ABCA3: variants seen among roughly 807,000 people sequenced by gnomAD.
ABCA3 encodes phospholipid-transporting ATPase ABCA3.
A neutral mutation model predicts 172.8 loss-of-function variants in ABCA3; 88 were observed. The observed-to-expected ratio is 0.51, with a 90% CI of 0.43 to 0.61. The LOEUF is 0.61. ABCA3 is among the 20% of genes least tolerant of loss of function. The probability of loss-of-function intolerance (pLI) is 0.00; values close to 1 mark genes in which losing one functional copy is unlikely to be tolerated. For missense variants in ABCA3, 2,164 were observed against 2,301.0 expected, an observed-to-expected ratio of 0.94 and a Z score of 1.22; for synonymous variants, 1,066 against 983.8, an observed-to-expected ratio of 1.08 and a Z score of -1.56.
chr16:2,300,119 C>A lies in ABCA3; in HGVS notation c.1497G>T (p.Ala499=), dbSNP rs368865276. ...TGTCTTCTTCCTCCTTCCCTGCAAC[C>A]GCCCTTGGCTTCCCACACCAATAGG... ...MPSYWCGKPR[A]VAGKEEEDSD... Residue 499 remains alanine (A), a synonymous_variant, in exon 13 of 33, where the codon GCG becomes GCT. Coordinates refer to ENST00000301732, the MANE Select transcript of ABCA3 (RefSeq NM_001089.3). 3.1e-6 allele frequency: 5 copies of A among 1,613,550 alleles called. No homozygotes were observed. In the Admixed American group the frequency reaches 8.3e-5, roughly 27 times the overall value.
At chr16:2,295,817 C>T in intron 17 of ABCA3, 77 bp from the exon 18 acceptor site, 1 of 1,598,712 alleles carries the variant, frequency 6.3e-7, no homozygotes, top group Non-Finnish European at 8.5e-7. Flanking sequence ...GTCTCTAGGG[C>T]TCACACCAGG....
intron 12 of ABCA3, 152 bp from the exon 13 acceptor site, chr16:2,300,300 G>T: frequency 1.8e-6 from 2 of 1,136,954 alleles, no homozygotes; most frequent in East Asian, 2.5e-5. Flanking sequence ...GAGAGCCCCA[G>T]AGAGTCCCAA....
rs1305851792 is a variant in ABCA3, at chr16:2,284,296, T to C, written c.3845A>G (p.His1282Arg). The change falls in exon 25 of 33, where the codon CAC becomes CGC. Residue 1282 changes from histidine to arginine, a missense_variant. Around this residue, in one of 3 missense-constraint regions of ABCA3, gnomAD observed 795 missense variants for 881.9 expected, o/e 0.90. Transcript: ENST00000301732. This position sits in a 1 kb window ranked among gnomAD's most constrained non-coding sequence, Gnocchi z 5.9. The stretch of plus-strand genomic sequence containing the variant: ...ACACTCACTATATTTCTTGCAGTAG[T>C]GGGCGGCGACCTCGGAGGAGGTGCA... The part of the protein sequence containing the change: ...RYCTSSEVAA[H>R]YCKKYNIQYQ... 3.7e-6 allele frequency: 6 copies of C among 1,613,452 alleles called. No individual in the cohort carries two copies. Among genetic ancestry groups the C allele is most frequent in the Non-Finnish European group, 5.1e-6 (6 of 1,179,898 alleles).
rs758766416 is a variant in ABCA3, at chr16:2,297,902, T to C, written c.1916A>G (p.Gln639Arg). ...FYAQLKGLSR[Q>R]KCPEEVKQML... ...CTGCTTGACTTCTTCAGGGCACTTC[T>C]GACGTGACAGGCCCTTCAGCTGCAA... is the stretch of plus-strand genomic sequence containing the variant. The change falls in exon 16 of 33, where the codon CAG (glutamine) becomes CGG (arginine). Residue 639 changes from glutamine to arginine, a missense_variant. By Grantham distance (43) the Gln-to-Arg change is conservative. Around this residue, in one of 3 missense-constraint regions of ABCA3, gnomAD observed 1,343 missense variants for 1,369.6 expected, o/e 0.98. Transcript: ENST00000301732. The surrounding 1 kb of genome is among the most constrained non-coding windows in gnomAD (Gnocchi z 5.6). 8.1e-6 allele frequency: 13 copies of C among 1,613,736 alleles called. No homozygotes were observed. Among genetic ancestry groups the C allele is most frequent in the Non-Finnish European group, 1.1e-5 (13 of 1,180,024 alleles).
chr16:2,285,311 G>A lies in ABCA3; in HGVS notation c.3483+131C>T. On this transcript the variant is annotated intron_variant, in intron 23 of 32. Coordinates refer to ENST00000301732, the MANE Select transcript of ABCA3 (RefSeq NM_001089.3). The surrounding 1 kb of genome is among the most constrained non-coding windows in gnomAD (Gnocchi z 4.7). Reference sequence around the variant, plus strand: ...AGGGGGCAGCCGCCAGGGGATTCCAGCTGTCCTCCCTGAGTCGGGCCGAGC... The same window carrying A: ...AGGGGGCAGCCGCCAGGGGATTCCAACTGTCCTCCCTGAGTCGGGCCGAGC... 2 of 1,146,310 alleles carry A rather than the reference G, an allele frequency of 1.7e-6. No individual in the cohort carries two copies. The highest frequency in any genetic ancestry group is 5.1e-5 in the East Asian group (2 of 39,140). The allele number at this position is 1,146,310 out of a possible 1,614,324, so 71.0% of individuals were successfully genotyped here. A position where few individuals can be genotyped will look rare whatever the true frequency, so the allele number is the denominator to read the frequency against.
chr16:2,295,856 C>T (rs888658124), intron 17 of ABCA3, 116 bp from the exon 18 acceptor site: 24 of 1,400,892 alleles, frequency 1.7e-5, no homozygotes, highest in Middle Eastern at 2.3e-4. Context: ...GCTAGAGAAC[C>T]GGAGGTGGGC....
Position 2,284,272 on chromosome 16 carries a change from C to T in ABCA3, c.3862+7G>A. Reference sequence around the variant, plus strand: ...GTGCTGCCCGGGGTCGGGGCTGGGACACTCACTATATTTCTTGCAGTAGTG... The same window carrying T: ...GTGCTGCCCGGGGTCGGGGCTGGGATACTCACTATATTTCTTGCAGTAGTG... On this transcript the variant is annotated splice_region_variant and intron_variant, in intron 25 of 32. Coordinates refer to ENST00000301732, the MANE Select transcript of ABCA3 (RefSeq NM_001089.3). The surrounding 1 kb of genome is among the most constrained non-coding windows in gnomAD (Gnocchi z 5.9). 1.2e-6 allele frequency: 2 copies of T among 1,611,816 alleles called. No individual in the cohort carries two copies. The highest frequency in any genetic ancestry group is 1.7e-6 in the Non-Finnish European group (2 of 1,178,574).
chr16:2,336,521 C>T (rs1388374165), intron 1 of ABCA3, among the ~76,000 whole-genome samples: 1 of 151,640 alleles, frequency 6.6e-6, no homozygotes. Context: ...ACCTCTGCCT[C>T]CCAGGTTCAA....
intron 20 of ABCA3, chr16:2,289,180 T>C (rs1445470763): frequency 1.8e-6 from 1 of 562,128 alleles, no homozygotes; most frequent in Non-Finnish European, 3.2e-6. Context: ...AACACAGAGC[T>C]GGGCACCCGA....
chr16:2,328,183 C>G (rs1265328037), intron 3 of ABCA3, among the ~76,000 whole-genome samples: 1 of 152,146 alleles, frequency 6.6e-6, no homozygotes, highest in African/African-American at 2.4e-5. Context: ...GAGCTTAGAT[C>G]TGTAAAGGTA....
Position 2,289,594 on chromosome 16 carries a change from A to T in ABCA3, c.2540T>A (p.Met847Lys). 6.4e-7 allele frequency: 1 copy of T among 1,554,514 alleles called. No individual in the cohort carries two copies. The highest frequency in any genetic ancestry group is 8.7e-7 in the Non-Finnish European group (1 of 1,149,800). ...AGGGAGCTGGATGGCCTGGATGTCC[A>T]TACTGCTGTCCACCAGCTTCCCGAC... ...LRVGKLVDSS[M>K]DIQAIQLPAL... Residue 847 changes from methionine to lysine, a missense_variant, in exon 20 of 33, where the codon ATG becomes AAG. Coordinates refer to ENST00000301732, the MANE Select transcript of ABCA3 (RefSeq NM_001089.3).
rs1333348726 is a variant in ABCA3 at position 2,281,929 on chromosome 16, C to T, written c.4036-420G>A. Among the ~76,000 whole-genome samples the T allele has an allele frequency of 6.6e-6, 1 of 151,910 alleles. No individual in the cohort carries two copies. The highest frequency in any genetic ancestry group is 2.4e-5 in the African/African-American group (1 of 41,334). ...AACTGATTCTCCTGCTTCAGCCTCC[C>T]GAGTAGCGCGCCACCACGCCCAGCT... On this transcript the variant is annotated intron_variant, in intron 26 of 32. Transcript: ENST00000301732. The surrounding 1 kb of genome is among the most constrained non-coding windows in gnomAD (Gnocchi z 4.7).
chr16:2,281,409 G>A lies in ABCA3; in HGVS notation c.4136C>T (p.Thr1379Ile), dbSNP rs1425080364. 1.2e-6 allele frequency: 2 copies of A among 1,613,652 alleles called. No individual in the cohort carries two copies. Among genetic ancestry groups the A allele is most frequent in the African/African-American group, 1.3e-5 (1 of 74,940 alleles). The change falls in exon 27 of 33, where the codon ACA (threonine) becomes ATA (isoleucine). Residue 1379 changes from threonine (T) to isoleucine (I), a missense_variant. Coordinates refer to ENST00000301732, the MANE Select transcript of ABCA3 (RefSeq NM_001089.3). The surrounding 1 kb of genome is among the most constrained non-coding windows in gnomAD (Gnocchi z 4.7). ...GGAGAGCTCCTTGATAATCAGAGGT[G>A]TGTGGAGCAGGGAGTCCGGACTGGG... is the stretch of plus-strand genomic sequence containing the variant. ...LAPSPDSLLH[T>I]PLIIKELSKV...
chr16:2,293,441 G>A (rs530002624), intron 18 of ABCA3, among the ~76,000 whole-genome samples: 1 of 141,912 alleles, frequency 7.0e-6, no homozygotes, highest in East Asian at 2.1e-4. Flanking sequence ...GTATAATCTC[G>A]GCTCACTGAA....
chr16:2,323,468 C>A (rs751163563), intron 7 of ABCA3, 55 bp downstream of exon 7: 1 of 1,609,306 alleles, frequency 6.2e-7, no homozygotes, highest in Non-Finnish European at 8.5e-7. Flanking sequence ...CCCCATATGA[C>A]TGTCACTAGT....
rs77027318 is a variant in ABCA3 at position 2,310,598 on chromosome 16, C to T, written c.1112-1975G>A. Among the ~76,000 whole-genome samples the T allele has an allele frequency of 2.4e-3, 370 of 151,314 alleles. 17 individuals are homozygous for T. In the East Asian group the frequency reaches 0.062, roughly 26 times the overall value. ...GTGGTGTGATTTCAGCTCACTGCAA[C>T]CTCTGCCTCCTGGGCTCAAGCGATT... On this transcript the variant is annotated intron_variant, in intron 10 of 32. Transcript: ENST00000301732.
At position 2,301,227 on chromosome 16, in the gene ABCA3, T is replaced by C. The variant is rs1478602946; in HGVS notation, c.1468-1079A>G. On this transcript the variant is annotated intron_variant, in intron 12 of 32. Coordinates refer to ENST00000301732, the MANE Select transcript of ABCA3 (RefSeq NM_001089.3). ...GCCTGGGCGACAGAGCGAGACTCCGTCTCAAAAAAAAAAAAAAAATCAGAA... is the reference window on the plus strand; with the variant it reads ...GCCTGGGCGACAGAGCGAGACTCCGCCTCAAAAAAAAAAAAAAAATCAGAA... Among the ~76,000 whole-genome samples the C allele has an allele frequency of 2.1e-5, 3 of 143,258 alleles. No homozygotes were observed. In the East Asian group the frequency reaches 6.2e-4, roughly 30 times the overall value. The allele number at this position is 143,258 out of a possible 152,430, so 94.0% of individuals were successfully genotyped here.
At chr16:2,335,501 C>T (rs942488903) in intron 1 of ABCA3, among the ~76,000 whole-genome samples, 3 of 152,020 alleles carry the variant, frequency 2.0e-5, no homozygotes, top group Admixed American at 1.3e-4. Flanking sequence ...AACTCCTGGG[C>T]TCAAATGATC....
intron 10 of ABCA3, among the ~76,000 whole-genome samples, chr16:2,310,187 C>G (rs1245271172): frequency 2.6e-5 from 4 of 152,066 alleles, no homozygotes; most frequent in African/African-American, 9.7e-5. Context: ...GGGCAGATCA[C>G]AAGGTCAAGA....
Sources: allele counts gnomAD v4.1 joint callset (sites outside exome capture counted in the v4.1 genomes callset), GRCh38; gene constraint gnomAD v4.1.1; regional missense constraint gnomAD v4.1.1; non-coding constraint Gnocchi (gnomAD v3.1); transcripts MANE v1.5; gene names NCBI Gene and HGNC (gene_info 2026-07-23, HGNC 2026-07-21).